The following PCDHGB2 variants were observed in gnomAD, a reference collection of about 807,000 sequenced individuals.
PCDHGB2 encodes the protein protocadherin gamma subfamily B, 2, also known as protocadherin gamma-B2.
A neutral mutation model predicts 59.3 loss-of-function variants in PCDHGB2; 55 were observed. That is an observed-to-expected ratio of 0.93 (90% CI 0.75 to 1.16). The LOEUF is 1.16. Among genes scored for constraint, PCDHGB2 ranks in the 50% most tolerant of loss-of-function variants. PCDHGB2 has a pLI of 0.00. For synonymous variants in PCDHGB2, 516 were observed against 512.0 expected (o/e 1.01, Z -0.11); for missense variants, 1,228 against 1,198.5 (o/e 1.02, Z -0.36).
intron 1 of PCDHGB2, chr5:141,428,912 T>C (rs1010303812): frequency 6.6e-6 from 1 of 151,946 alleles, no homozygotes; most frequent in Non-Finnish European, 1.5e-5. Context: ...TGGAGTGCAG[T>C]GGCATGATCT....
At chr5:141,383,956 A>G (rs1279675225) in intron 1 of PCDHGB2, 3 of 1,613,670 alleles carry the variant, frequency 1.9e-6, no homozygotes, top group Non-Finnish European at 2.5e-6. Context: ...GACGTCTTTA[A>G]GTAGCTCAAT....
intron 1 of PCDHGB2, among the ~76,000 whole-genome samples, chr5:141,380,096 T>C (rs1180401530): frequency 3.3e-5 from 5 of 151,838 alleles, no homozygotes; most frequent in Non-Finnish European, 5.9e-5. Flanking sequence ...GATGGGGTTT[T>C]ACCATGATGG....
At position 141,485,122 on chromosome 5, in the gene PCDHGB2, G is replaced by A. The variant is rs1000179570; in HGVS notation, c.2422-9685G>A. The A allele has an allele frequency of 1.4e-6, 2 of 1,387,624 alleles. No individual in the cohort carries two copies. The highest frequency in any genetic ancestry group is 1.4e-5 in the African/African-American group (1 of 70,566). 86.0% of individuals were successfully genotyped at this position (1,387,624 alleles called of 1,614,324 possible). A position where few individuals can be genotyped will look rare whatever the true frequency, so the allele number is the denominator to read the frequency against. Reference sequence around the variant, plus strand: ...CAGCTGCTGTGGCTGTTTGGGGCGGGTCGGCTTCATCCGCGTCTCAGGAGC... The same window carrying A: ...CAGCTGCTGTGGCTGTTTGGGGCGGATCGGCTTCATCCGCGTCTCAGGAGC... On this transcript the variant is annotated intron_variant, in intron 1 of 3. Coordinates refer to ENST00000522605, the MANE Select transcript of PCDHGB2 (RefSeq NM_018923.3). The surrounding 1 kb of genome is among the most constrained non-coding windows in gnomAD (Gnocchi z 5.7).
chr5:141,403,388 G>A (rs1376620471), intron 1 of PCDHGB2: 1 of 1,613,904 alleles, frequency 6.2e-7, no homozygotes, highest in African/African-American at 1.3e-5. Context: ...TAACGAAATC[G>A]CGGTTCCTGG....
At chr5:141,469,312 C>T (rs1387258560) in intron 1 of PCDHGB2, among the ~76,000 whole-genome samples, 2 of 152,064 alleles carry the variant, frequency 1.3e-5, no homozygotes, top group Non-Finnish European at 2.9e-5. Flanking sequence ...CACGATGGCT[C>T]ACGCCTGTAA....
At chr5:141,481,732 T>G (rs549671056) in intron 1 of PCDHGB2, among the ~76,000 whole-genome samples, 33 of 151,884 alleles carry the variant, frequency 2.2e-4, no homozygotes, top group Non-Finnish European at 4.3e-4. Context: ...GGCGGGCGGA[T>G]CACGAGGTCA....
intron 1 of PCDHGB2, chr5:141,372,071 A>G: frequency 6.2e-7 from 1 of 1,613,608 alleles, no homozygotes; most frequent in Non-Finnish European, 8.5e-7. Flanking sequence ...ACGACAATGC[A>G]CCGCTGGTGC....
At position 141,491,448 on chromosome 5, in the gene PCDHGB2, A is replaced by G; in HGVS notation, c.2422-3359A>G. ...GGCAGTGCTGCAGGCGCCAGGACTC[A>G]CCCTCCCCGGACTTCTATAAGCAGT... On this transcript the variant is annotated intron_variant, in intron 1 of 3. Coordinates refer to ENST00000522605, the MANE Select transcript of PCDHGB2 (RefSeq NM_018923.3). The surrounding 1 kb of genome is among the most constrained non-coding windows in gnomAD (Gnocchi z 6.9). The G allele has an allele frequency of 6.2e-7, 1 of 1,613,792 alleles. No homozygotes were observed. The highest frequency in any genetic ancestry group is 8.5e-7 in the Non-Finnish European group (1 of 1,179,986).
chr5:141,385,378 C>G, intron 1 of PCDHGB2: 3 of 1,519,118 alleles, frequency 2.0e-6, no homozygotes, highest in Non-Finnish European at 2.6e-6. Flanking sequence ...TGATATTTCT[C>G]TATTATTTTG....
chr5:141,395,750 G>C (rs1308444906), intron 1 of PCDHGB2: 3 of 152,888 alleles, frequency 2.0e-5, no homozygotes, highest in African/African-American at 7.3e-5. Flanking sequence ...TCTTTTCTGA[G>C]CCCTGTTTCT....
chr5:141,505,794 G>A (rs1423502957), intron 3 of PCDHGB2, among the ~76,000 whole-genome samples: 1 of 152,142 alleles, frequency 6.6e-6, no homozygotes, highest in East Asian at 1.9e-4. Context: ...CTATCCTTGG[G>A]ACTTGGATCG....
chr5:141,376,675 C>CTT, intron 1 of PCDHGB2: 16 of 345,018 alleles, frequency 4.6e-5, no homozygotes, highest in Non-Finnish European at 6.4e-5. Context: ...GTGAGGGTAT[C>CTT]GTTTTTTTTT....
In PCDHGB2 at chr5:141,432,887, T is replaced by G. The variant is rs146168033; in HGVS notation, c.2422-61920T>G. 2.8e-4 allele frequency: 451 copies of G among 1,614,156 alleles called. No individual in the cohort carries two copies. In the African/African-American group the frequency reaches 4.6e-3, roughly 17 times the overall value. ...CTGCGTCTTCCTGGCCTTCGTCATC[T>G]TGCTGCTGGCGCTCAGGCTGCGGCG... is the stretch of plus-strand genomic sequence containing the variant. On this transcript the variant is annotated intron_variant, in intron 1 of 3. Transcript: ENST00000522605. The surrounding 1 kb of genome is among the most constrained non-coding windows in gnomAD (Gnocchi z 6.0).
At chr5:141,390,266 A>C in intron 1 of PCDHGB2, 2 of 1,614,010 alleles carry the variant, frequency 1.2e-6, no homozygotes, top group East Asian at 4.5e-5. Context: ...ATTCCAGTGA[A>C]TTGACTTCCC....
chr5:141,485,070 G>A lies in PCDHGB2; in HGVS notation c.2422-9737G>A. On this transcript the variant is annotated intron_variant, in intron 1 of 3. Coordinates refer to ENST00000522605, the MANE Select transcript of PCDHGB2 (RefSeq NM_018923.3). The surrounding 1 kb of genome is among the most constrained non-coding windows in gnomAD (Gnocchi z 5.7). ...CGCCGGCCGAACCGCGCCAGAGCTG[G>A]CGCGGGGAAAGGGAGATAGGTGTCT... is the stretch of plus-strand genomic sequence containing the variant. The A allele has an allele frequency of 1.1e-6, 1 of 908,406 alleles. No individual in the cohort carries two copies. Among genetic ancestry groups the A allele is most frequent in the Non-Finnish European group, 1.7e-6 (1 of 580,008 alleles). 56.3% of individuals were successfully genotyped at this position (908,406 alleles called of 1,614,324 possible). A position where few individuals can be genotyped will look rare whatever the true frequency, so the allele number is the denominator to read the frequency against.
At chr5:141,500,184 TTTTATTTATTTA>T (rs58019021) in intron 2 of PCDHGB2, among the ~76,000 whole-genome samples, 197 of 135,960 alleles carry the variant, frequency 1.4e-3, no homozygotes, top group African/African-American at 3.6e-3. Context: ...TCATTTTTAT[TTTTATTTATTTA>T]TTTATTTATT....
chr5:141,468,950 T>TG (rs752125489), intron 1 of PCDHGB2, among the ~76,000 whole-genome samples: 34 of 140,680 alleles, frequency 2.4e-4, no homozygotes, highest in African/African-American at 4.9e-4. Context: ...GGTAAACCTG[T>TG]GGTTTTTTTT....
intron 1 of PCDHGB2, among the ~76,000 whole-genome samples, chr5:141,450,313 T>G (rs2098676929): frequency 6.6e-6 from 1 of 152,172 alleles, no homozygotes; most frequent in Middle Eastern, 3.4e-3. Context: ...ATGTGTGGCC[T>G]AGTTGCCATG....
intron 1 of PCDHGB2, among the ~76,000 whole-genome samples, chr5:141,449,177 G>T (rs2098631167): frequency 6.6e-6 from 1 of 152,028 alleles, no homozygotes. Flanking sequence ...AATTTTCTTA[G>T]GTATTTTCAC....
Sources: gnomAD v4.1 joint callset for allele counts (sites outside exome capture counted in the v4.1 genomes callset) on GRCh38, gnomAD v4.1.1 for gene constraint, Gnocchi (gnomAD v3.1) non-coding constraint, MANE v1.5 for transcripts, NCBI Gene and HGNC (gene_info 2026-07-23, HGNC 2026-07-21) for gene names.